The following WWOX variants were observed in gnomAD, a reference collection of about 807,000 sequenced individuals.
WWOX encodes the protein WW domain containing oxidoreductase, also known as WW domain-containing oxidoreductase.
A neutral mutation model predicts 46.2 loss-of-function variants in WWOX; 69 were observed. That is an observed-to-expected ratio of 1.49 (90% CI 1.23 to 1.82). WWOX has a LOEUF of 1.82. Ranked by LOEUF, WWOX falls within the 40% of genes most tolerant of loss-of-function variation. WWOX has a pLI of 0.00. For synonymous variants in WWOX, 359 were observed against 202.6 expected (o/e 1.77, Z -6.56); for missense variants, 919 against 542.6 (o/e 1.69, Z -6.89).
intron 8 of WWOX, among the ~76,000 whole-genome samples, chr16:78,756,646 C>T (rs1185615780): frequency 6.6e-6 from 1 of 152,148 alleles, no homozygotes; most frequent in Non-Finnish European, 1.5e-5. Flanking sequence ...AGCATTTTTA[C>T]ACTCCTTTGT....
chr16:78,607,271 A>C (rs1266869390), intron 8 of WWOX, among the ~76,000 whole-genome samples: 1 of 152,222 alleles, frequency 6.6e-6, no homozygotes, highest in African/African-American at 2.4e-5. Flanking sequence ...AATAAACTAT[A>C]TTAAAAATAT....
rs534037042 is a variant in WWOX, at chr16:78,675,339, TA to T, written c.1056+242593del. ...CTGTAGTAAGATTAATGTAAAGATT[TA>T]AAAAACTGTTCATATCGTTCATCTA... On this transcript the variant is annotated intron_variant, in intron 8 of 8. Transcript: ENST00000566780. Among the ~76,000 whole-genome samples the T allele has an allele frequency of 6.6e-5, 10 of 152,290 alleles. No individual in the cohort carries two copies. The South Asian group carries it at 8.3e-4, about 13-fold the overall frequency.
intron 8 of WWOX, among the ~76,000 whole-genome samples, chr16:78,655,615 C>G (rs74498203): frequency 1.3e-5 from 2 of 151,956 alleles, no homozygotes; most frequent in East Asian, 1.9e-4. Context: ...CAAAATGGAA[C>G]GGCTAAGTAG....
chr16:78,423,707 A>C (rs1415397387), intron 6 of WWOX, among the ~76,000 whole-genome samples: 2 of 152,016 alleles, frequency 1.3e-5, no homozygotes, highest in East Asian at 3.9e-4. Context: ...ATAGCCATGC[A>C]TGGTGGTGTG....
intron 8 of WWOX, among the ~76,000 whole-genome samples, chr16:78,628,764 G>A (rs758789881): frequency 3.3e-5 from 5 of 152,148 alleles, no homozygotes; most frequent in African/African-American, 4.8e-5. Context: ...AATTATGAAA[G>A]GAAGAGGAGA....
rs146382505 is a variant in WWOX at position 78,742,250 on chromosome 16, C to A, written c.1056+309498C>A. The stretch of plus-strand genomic sequence containing the variant: ...AAACTTATTTTTACTGATAATAGTC[C>A]ATGATCAAGGCAGTTTGGAGACCAC... On this transcript the variant is annotated intron_variant, in intron 8 of 8. Transcript: ENST00000566780. Among the ~76,000 whole-genome samples the A allele has an allele frequency of 9.6e-3, 1,458 of 152,204 alleles. 21 individuals are homozygous for A. Among genetic ancestry groups the A allele is most frequent in the African/African-American group, 0.033 (1,379 of 41,516 alleles).
At position 79,179,817 on chromosome 16, in the gene WWOX, T is replaced by A. The variant is rs16949795; in HGVS notation, c.1057-31791T>A. ...ATGTGTAATGGAGATGTATAAGCTG[T>A]TTTTAAACATTTCAGCAGCTGTCAT... On this transcript the variant is annotated intron_variant, in intron 8 of 8. Transcript: ENST00000566780. Among the ~76,000 whole-genome samples, 206 of 152,316 alleles carry A rather than the reference T, an allele frequency of 1.4e-3. 5 individuals are homozygous for A. In the East Asian group the frequency reaches 0.038, roughly 28 times the overall value.
intron 8 of WWOX, among the ~76,000 whole-genome samples, chr16:78,702,045 A>ATATATATATAT (rs1491253055): frequency 2.5e-5 from 3 of 121,972 alleles, no homozygotes; most frequent in African/African-American, 1.1e-4. Context: ...ATATATATAT[A>ATATATATATAT]AAATAATGCA....
chr16:78,532,577 G>A (rs1384596737), intron 8 of WWOX, among the ~76,000 whole-genome samples: 2 of 152,138 alleles, frequency 1.3e-5, no homozygotes, highest in East Asian at 1.9e-4. Context: ...TCATGCTACT[G>A]ATAAAGGCAT....
chr16:78,608,469 A>T (rs1033392908), intron 8 of WWOX, among the ~76,000 whole-genome samples: 6 of 152,182 alleles, frequency 3.9e-5, no homozygotes, highest in African/African-American at 1.4e-4. Context: ...TAAAGCTGCG[A>T]CTTGGCCACA....
intron 8 of WWOX, among the ~76,000 whole-genome samples, chr16:78,722,345 T>G (rs1302292725): frequency 2.0e-5 from 3 of 152,160 alleles, no homozygotes; most frequent in Non-Finnish European, 4.4e-5. Context: ...TTCTCATCTG[T>G]AAAATGGAGA....
chr16:79,207,588 T>C (rs767074448), intron 8 of WWOX, among the ~76,000 whole-genome samples: 3 of 152,242 alleles, frequency 2.0e-5, no homozygotes, highest in Admixed American at 6.5e-5. Context: ...ATTGAATATA[T>C]AGATATGCCA....
intron 8 of WWOX, among the ~76,000 whole-genome samples, chr16:79,169,189 C>A (rs960922612): frequency 1.3e-5 from 2 of 152,180 alleles, no homozygotes; most frequent in African/African-American, 4.8e-5. Flanking sequence ...ATAACATGTC[C>A]AAAGTCTCCC....
chr16:78,802,104 C>T (rs58035850), intron 8 of WWOX, among the ~76,000 whole-genome samples: 4 of 151,850 alleles, frequency 2.6e-5, no homozygotes, highest in South Asian at 2.1e-4. Context: ...AGGAATGTGC[C>T]TGTGCGTGAA....
At chr16:78,419,398 C>T (rs771608270) in intron 6 of WWOX, among the ~76,000 whole-genome samples, 1 of 151,664 alleles carries the variant, frequency 6.6e-6, no homozygotes, top group Non-Finnish European at 1.5e-5. Flanking sequence ...TCTATAAATC[C>T]TTAGTAATAA....
At chr16:78,821,538 AG>A (rs1310555588) in intron 8 of WWOX, among the ~76,000 whole-genome samples, 2 of 152,304 alleles carry the variant, frequency 1.3e-5, no homozygotes, top group Admixed American at 1.3e-4. Flanking sequence ...GTTCCTAGGA[AG>A]TTCACCCATT....
At chr16:78,696,704 A>G (rs1452254393) in intron 8 of WWOX, among the ~76,000 whole-genome samples, 1 of 151,814 alleles carries the variant, frequency 6.6e-6, no homozygotes, top group Non-Finnish European at 1.5e-5. Flanking sequence ...TACAGGTGGT[A>G]TTTGGTTACA....
intron 8 of WWOX, among the ~76,000 whole-genome samples, chr16:78,688,368 T>TA (rs2047909236): frequency 1.5e-5 from 2 of 132,986 alleles, no homozygotes; most frequent in African/African-American, 2.9e-5. Flanking sequence ...ATCAGTTACT[T>TA]TAAAAAAAAA....
At chr16:78,402,878 C>T (rs528303157) in intron 6 of WWOX, among the ~76,000 whole-genome samples, 1 of 152,278 alleles carries the variant, frequency 6.6e-6, no homozygotes, top group East Asian at 1.9e-4. Context: ...GGGACCACTC[C>T]ACTACCACAT....
Sources: allele counts gnomAD v4.1 joint callset (sites outside exome capture counted in the v4.1 genomes callset), GRCh38; gene constraint gnomAD v4.1.1; transcripts MANE v1.5; gene names NCBI Gene and HGNC (gene_info 2026-07-23, HGNC 2026-07-21).